The following SETD2 variants were observed in gnomAD, a reference collection of about 807,000 sequenced individuals.
SETD2 encodes the protein histone-lysine N-methyltransferase SETD2.
SETD2 carries 31 observed loss-of-function variants against 242.1 expected under a neutral mutation model. That is an observed-to-expected ratio of 0.13 (90% confidence interval 0.10 to 0.17). The LOEUF is 0.17. Among genes scored for constraint, SETD2 ranks in the 10% least tolerant of loss-of-function variants. SETD2 has a pLI of 1.00. For synonymous variants in SETD2, 1,006 were observed against 1,066.5 expected (o/e 0.94, Z 1.11); for missense variants, 2,481 against 3,046.3 (o/e 0.81, Z 4.37).
At chr3:47,129,450 C>G (rs1439129031) in intron 1 of SETD2, among the ~76,000 whole-genome samples, 1 of 152,196 alleles carries the variant, frequency 6.6e-6, no homozygotes, top group Admixed American at 6.5e-5. Flanking sequence ...AAACAGAGAT[C>G]ATTGTTTTTC....
chr3:47,072,112 T>C (rs1575726897), intron 12 of SETD2, among the ~76,000 whole-genome samples: 2 of 151,584 alleles, frequency 1.3e-5, no homozygotes, highest in South Asian at 2.1e-4. Context: ...ATCGAGACCA[T>C]CCTGGCTAAC....
intron 13 of SETD2, among the ~76,000 whole-genome samples, chr3:47,064,271 G>T (rs1208634717): frequency 6.6e-6 from 1 of 152,098 alleles, no homozygotes; most frequent in Non-Finnish European, 1.5e-5. Context: ...TTGCAACATG[G>T]TTACTAAACT....
intron 12 of SETD2, chr3:47,081,177 C>G (rs2041300503): frequency 4.4e-6 from 3 of 687,848 alleles, no homozygotes; most frequent in Non-Finnish European, 5.4e-6. Context: ...TCCCTCCCAC[C>G]CTCTTTCATT....
chr3:47,042,802 T>C (rs1432361857), intron 16 of SETD2, 102 bp from the exon 17 acceptor site: 18 of 1,034,324 alleles, frequency 1.7e-5, no homozygotes, highest in African/African-American at 3.3e-5. Context: ...TACATCTACC[T>C]CCTCTTAAAA....
At chr3:47,154,913 G>T (rs954882278) in intron 1 of SETD2, among the ~76,000 whole-genome samples, 2 of 151,946 alleles carry the variant, frequency 1.3e-5, no homozygotes, top group African/African-American at 4.8e-5. Context: ...AGAATGGCGT[G>T]AGCCCAGGAG....
At chr3:47,033,935 T>C (rs957115287) in intron 18 of SETD2, among the ~76,000 whole-genome samples, 9 of 152,140 alleles carry the variant, frequency 5.9e-5, no homozygotes, top group African/African-American at 2.2e-4. Flanking sequence ...CCTCCCAAAG[T>C]GCTAGGATTA....
At chr3:47,134,982 G>C (rs992019783) in intron 1 of SETD2, among the ~76,000 whole-genome samples, 5 of 152,138 alleles carry the variant, frequency 3.3e-5, no homozygotes, top group African/African-American at 1.2e-4. Context: ...ATATCAATCA[G>C]AGGCTATTTG....
intron 17 of SETD2, among the ~76,000 whole-genome samples, chr3:47,039,839 C>T (rs1355236872): frequency 6.8e-6 from 1 of 146,034 alleles, no homozygotes; most frequent in East Asian, 2.1e-4. Flanking sequence ...GCCGAGATCA[C>T]GCCACTGCAC....
intron 1 of SETD2, among the ~76,000 whole-genome samples, chr3:47,151,419 A>G (rs1044527268): frequency 5.3e-5 from 8 of 152,358 alleles, no homozygotes; most frequent in South Asian, 2.1e-4. Flanking sequence ...CATTTCAAAA[A>G]AGCACACAGC....
At chr3:47,110,652 TACTC>T (rs1315442982) in intron 5 of SETD2, among the ~76,000 whole-genome samples, 1 of 152,178 alleles carries the variant, frequency 6.6e-6, no homozygotes, top group African/African-American at 2.4e-5. Flanking sequence ...TAAATGGTAA[TACTC>T]TACCAGTAAA....
chr3:47,029,018 C>T, intron 18 of SETD2: 1 of 220,464 alleles, frequency 4.5e-6, no homozygotes, highest in Non-Finnish European at 8.9e-6. Flanking sequence ...TCAATGTCAC[C>T]AACAAATGGT....
At chr3:47,029,062 T>C in intron 18 of SETD2, 2 of 172,440 alleles carry the variant, frequency 1.2e-5, no homozygotes, top group South Asian at 9.1e-5. Context: ...CCCCAAACTT[T>C]TAATTTTTTT....
chr3:47,093,100 G>C (rs2041869389), intron 9 of SETD2, among the ~76,000 whole-genome samples: 1 of 151,968 alleles, frequency 6.6e-6, no homozygotes, highest in Non-Finnish European at 1.5e-5. Flanking sequence ...GGATACATGT[G>C]CAAGAACATG....
At chr3:47,036,424 G>A (rs553789761) in intron 18 of SETD2, among the ~76,000 whole-genome samples, 5 of 151,888 alleles carry the variant, frequency 3.3e-5, no homozygotes, top group East Asian at 1.9e-4. Flanking sequence ...GCATGGTGGC[G>A]CACACCTATA....
At chr3:47,059,087 G>A (rs1199259432) in intron 14 of SETD2, among the ~76,000 whole-genome samples, 1 of 149,756 alleles carries the variant, frequency 6.7e-6, no homozygotes, top group Non-Finnish European at 1.5e-5. Flanking sequence ...GGGATTACAG[G>A]TGTGAGCCAC....
chr3:47,068,491 ATCTTT>A (rs1408719268), intron 12 of SETD2, among the ~76,000 whole-genome samples: 2 of 122,112 alleles, frequency 1.6e-5, no homozygotes, highest in Non-Finnish European at 3.1e-5. Flanking sequence ...CAAATACACT[ATCTTT>A]TTTTTTTTTT....
At chr3:47,090,383 T>C (rs2041748820) in intron 9 of SETD2, among the ~76,000 whole-genome samples, 1 of 152,114 alleles carries the variant, frequency 6.6e-6, no homozygotes, top group African/African-American at 2.4e-5. Context: ...AAATGGATTA[T>C]TATTTTTTTA....
In SETD2 at chr3:47,016,858, C is replaced by T. The variant is rs1442502656; in HGVS notation, c.*235G>A. The T allele has an allele frequency of 5.9e-6, 3 of 512,248 alleles. No individual in the cohort carries two copies. Among genetic ancestry groups the T allele is most frequent in the East Asian group, 3.0e-5 (1 of 32,976 alleles). The allele number at this position is 512,248 out of a possible 1,614,324, so 31.7% of individuals were successfully genotyped here. On this transcript the variant is annotated 3_prime_UTR_variant, in exon 21 of 21. Coordinates refer to ENST00000409792, the MANE Select transcript of SETD2 (RefSeq NM_014159.7). ...AGGTCTGGCCAGGGTCTTTTCTAAG[C>T]CCTTGCACCTCTGATGGCTTCTAAC... is the stretch of plus-strand genomic sequence containing the variant.
chr3:47,030,893 C>A (rs1387461467), intron 18 of SETD2, among the ~76,000 whole-genome samples: 1 of 152,170 alleles, frequency 6.6e-6, no homozygotes, highest in Admixed American at 6.5e-5. Flanking sequence ...AACTGCGGCG[C>A]ACTCAGACAT....
Sources: gnomAD v4.1 joint callset for allele counts (sites outside exome capture counted in the v4.1 genomes callset) on GRCh38, gnomAD v4.1.1 for gene constraint, MANE v1.5 for transcripts, NCBI Gene and HGNC (gene_info 2026-07-23, HGNC 2026-07-21) for gene names.